The following MEGF11 variants were observed in gnomAD, a reference collection of about 807,000 sequenced individuals.
The protein encoded by MEGF11 is multiple epidermal growth factor-like domains protein 11.
Under a neutral mutation model 146.6 loss-of-function variants are expected in MEGF11, and 126 were observed. The ratio of observed to expected loss-of-function variants is 0.86; its 90% CI spans 0.74 to 1.00. The LOEUF (loss-of-function observed/expected upper bound fraction) is 1.00, where lower values mean the gene tolerates loss of function less well. MEGF11 is among the 50% of genes least tolerant of loss of function. The probability of loss-of-function intolerance (pLI) is 0.00; values close to 1 mark genes in which losing one functional copy is unlikely to be tolerated. For missense variants in MEGF11, 1,509 were observed against 1,521.2 expected, an observed-to-expected ratio of 0.99 and a Z score of 0.13; for synonymous variants, 532 against 583.4, an observed-to-expected ratio of 0.91 and a Z score of 1.27.
In MEGF11 at chr15:66,050,620, C is replaced by T. The variant is rs570605376; in HGVS notation, c.394+43782G>A. On this transcript the variant is annotated intron_variant, in intron 5 of 25. Coordinates refer to ENST00000395614, the MANE Select transcript of MEGF11 (RefSeq NM_001385028.1). ...TGAGTGTGATGGGAGCCATCGGAGG[C>T]CTGGCATGACCTGACCAATGTTTTA... 7.2e-5 allele frequency among the ~76,000 whole-genome samples: 11 copies of T among 152,304 alleles called. 1 individual carries two copies. In the South Asian group the frequency reaches 2.1e-3, roughly 29 times the overall value.
At chr15:66,080,920 C>T (rs763454094) in intron 5 of MEGF11, among the ~76,000 whole-genome samples, 15 of 152,214 alleles carry the variant, frequency 9.9e-5, no homozygotes, top group Admixed American at 6.5e-4. Flanking sequence ...CAGAGCTGCA[C>T]GCGAGGAACA....
At chr15:66,022,008 G>A (rs571399978) in intron 5 of MEGF11, among the ~76,000 whole-genome samples, 10 of 152,330 alleles carry the variant, frequency 6.6e-5, no homozygotes, top group African/African-American at 1.9e-4. Context: ...TGGGTCAGGC[G>A]GGATTAAGGG....
At chr15:66,048,918 A>C (rs1286694883) in intron 5 of MEGF11, among the ~76,000 whole-genome samples, 1 of 152,148 alleles carries the variant, frequency 6.6e-6, no homozygotes, top group Non-Finnish European at 1.5e-5. Flanking sequence ...CGCTTTCTAC[A>C]TTCTCATTTT....
At chr15:66,008,445 AC>A (rs1567199820) in intron 5 of MEGF11, among the ~76,000 whole-genome samples, 4 of 151,582 alleles carry the variant, frequency 2.6e-5, no homozygotes, top group African/African-American at 9.7e-5. Context: ...ACACACACAC[AC>A]ACACAAAATT....
intron 13 of MEGF11, among the ~76,000 whole-genome samples, chr15:65,927,084 C>G (rs2079397213): frequency 6.6e-6 from 1 of 152,198 alleles, no homozygotes; most frequent in Non-Finnish European, 1.5e-5. Flanking sequence ...ATTTCTTTCT[C>G]TTTGCTGCTC....
chr15:65,916,956 G>T lies in MEGF11; in HGVS notation c.2087C>A (p.Ala696Asp). ...PGWIGKDCSQ[A>D]CPPGFWGPAC... is the part of the protein sequence containing the mutation. ...GGGGCCCCAGAACCCGGGTGGGCAA[G>T]CTGGGATGTCGGTGAAATGCAGAGG... The change falls in exon 17 of 26, where the codon GCT becomes GAT. Residue 696 changes from alanine (A) to aspartate (D), a missense_variant and splice_region_variant. Ala to Asp is a moderately radical substitution (Grantham distance 126). Coordinates refer to ENST00000395614, the MANE Select transcript of MEGF11 (RefSeq NM_001385028.1). 1 of 1,506,802 alleles carries T rather than the reference G, an allele frequency of 6.6e-7. No homozygotes were observed. Among genetic ancestry groups the T allele is most frequent in the Non-Finnish European group, 8.9e-7 (1 of 1,123,504 alleles). The allele number at this position is 1,506,802 out of a possible 1,614,324, so 93.3% of individuals were successfully genotyped here.
intron 1 of MEGF11, among the ~76,000 whole-genome samples, chr15:66,170,923 C>T (rs568108331): frequency 6.6e-6 from 1 of 152,354 alleles, no homozygotes; most frequent in East Asian, 1.9e-4. Context: ...GGAGGTCCAG[C>T]TCAGGCTCCA....
At chr15:66,170,253 G>A (rs1035903441) in intron 1 of MEGF11, among the ~76,000 whole-genome samples, 15 of 152,194 alleles carry the variant, frequency 9.9e-5, no homozygotes, top group African/African-American at 3.6e-4. Context: ...CCTCCTTCCT[G>A]ACACCGCTCA....
At chr15:65,931,408 A>C (rs1409952424) in intron 10 of MEGF11, among the ~76,000 whole-genome samples, 1 of 152,208 alleles carries the variant, frequency 6.6e-6, no homozygotes, top group East Asian at 1.9e-4. Flanking sequence ...CGAGCAGGAA[A>C]TAGACCCTCT....
intron 1 of MEGF11, among the ~76,000 whole-genome samples, chr15:66,225,117 A>G (rs2091823990): frequency 6.6e-6 from 1 of 152,218 alleles, no homozygotes; most frequent in African/African-American, 2.4e-5. Flanking sequence ...GCCAGCCAGA[A>G]GGGCCCGGCC....
chr15:66,183,949 T>C (rs918050590), intron 1 of MEGF11, among the ~76,000 whole-genome samples: 5 of 152,150 alleles, frequency 3.3e-5, no homozygotes, highest in African/African-American at 1.2e-4. Context: ...ATAATTATGC[T>C]GCATGAAAGA....
At chr15:66,047,986 C>T (rs1224415247) in intron 5 of MEGF11, among the ~76,000 whole-genome samples, 1 of 150,254 alleles carries the variant, frequency 6.7e-6, no homozygotes, top group Non-Finnish European at 1.5e-5. Context: ...AGAGCCTCTA[C>T]CCAGGCTGGA....
At position 65,895,807 on chromosome 15, in the gene MEGF11, G is replaced by C. The variant is rs1322949315; in HGVS notation, c.*2127C>G. ...TCTGCTTCTCCCCTTTTTATGCATA[G>C]GAAAAAAGGGAGCCCAGAGAGGGCG... On this transcript the variant is annotated 3_prime_UTR_variant, in exon 26 of 26. Coordinates refer to ENST00000395614, the MANE Select transcript of MEGF11 (RefSeq NM_001385028.1). 6.6e-6 allele frequency: 1 copy of C among 152,242 alleles called. No homozygotes were observed. Among genetic ancestry groups the C allele is most frequent in the East Asian group, 1.9e-4 (1 of 5,194 alleles). The allele number at this position is 152,242 out of a possible 1,614,324, so 9.4% of individuals were successfully genotyped here. A position where few individuals can be genotyped will look rare whatever the true frequency, so the allele number is the denominator to read the frequency against.
intron 1 of MEGF11, among the ~76,000 whole-genome samples, chr15:66,150,181 C>T (rs935561878): frequency 5.9e-5 from 9 of 152,186 alleles, no homozygotes; most frequent in African/African-American, 1.7e-4. Flanking sequence ...CTCCAGCCCC[C>T]GAGCAGGGAG....
chr15:66,216,367 G>A (rs2091583328), intron 1 of MEGF11, among the ~76,000 whole-genome samples: 1 of 152,204 alleles, frequency 6.6e-6, no homozygotes, highest in African/African-American at 2.4e-5. Flanking sequence ...GCCCTAAGGA[G>A]ACATTGAGGC....
intron 10 of MEGF11, among the ~76,000 whole-genome samples, chr15:65,950,319 T>C (rs944950032): frequency 6.6e-6 from 1 of 152,176 alleles, no homozygotes; most frequent in Non-Finnish European, 1.5e-5. Context: ...GTATAGTGGC[T>C]CACGCCTGGA....
chr15:65,909,005 G>C, intron 23 of MEGF11, 29 bp downstream of exon 23: 1 of 1,430,232 alleles, frequency 7.0e-7, no homozygotes. Context: ...TCTGGCATGA[G>C]GGGGTGGAGG....
At chr15:66,182,708 C>G (rs1375999894) in intron 1 of MEGF11, among the ~76,000 whole-genome samples, 2 of 152,226 alleles carry the variant, frequency 1.3e-5, no homozygotes, top group African/African-American at 4.8e-5. Flanking sequence ...GAAAACATAA[C>G]TATTCAGATC....
At position 65,916,022 on chromosome 15, in the gene MEGF11, G is replaced by A. The variant is rs1051995137; in HGVS notation, c.2344+126C>T. The A allele has an allele frequency of 3.3e-5, 39 of 1,197,688 alleles. No homozygotes were observed. The South Asian group carries it at 7.3e-4, about 23-fold the overall frequency. 74.2% of individuals were successfully genotyped at this position (1,197,688 alleles called of 1,614,324 possible). ...TCCTCAGCATTTTTCCTTGGAAGTT[G>A]TCCCCAAAGTCAAGGGACCAAGGGG... On this transcript the variant is annotated intron_variant, in intron 18 of 25. Transcript: ENST00000395614.
Sources: allele counts gnomAD v4.1 joint callset (sites outside exome capture counted in the v4.1 genomes callset), GRCh38; gene constraint gnomAD v4.1.1; transcripts MANE v1.5; gene names NCBI Gene and HGNC (gene_info 2026-07-23, HGNC 2026-07-21).